SPOCK1: variants seen among roughly 807,000 people sequenced by gnomAD.
SPOCK1 encodes the protein SPARC (osteonectin), cwcv and kazal like domains proteoglycan 1.
SPOCK1 carries 23 observed loss-of-function variants against 55.3 expected under a neutral mutation model. That is an observed-to-expected ratio of 0.42 (90% CI 0.30 to 0.59). The LOEUF is 0.59. Among genes scored for constraint, SPOCK1 ranks in the 20% least tolerant of loss-of-function variants. SPOCK1 has a pLI of 0.22. For missense variants in SPOCK1, 499 were observed against 552.5 expected (o/e 0.90, Z 0.97); for synonymous variants, 226 against 221.0 (o/e 1.02, Z -0.20).
At chr5:137,342,056 A>G (rs72796514) in intron 2 of SPOCK1, among the ~76,000 whole-genome samples, 2,979 of 152,358 alleles carry the variant, frequency 0.02, 47 homozygotes, top group Non-Finnish European at 0.03. Flanking sequence ...ACTCCAGGAA[A>G]TGAGCAAAGC....
At chr5:137,050,435 C>T (rs6892896) in intron 6 of SPOCK1, among the ~76,000 whole-genome samples, 4 of 149,320 alleles carry the variant, frequency 2.7e-5, no homozygotes, top group Non-Finnish European at 4.5e-5. Context: ...TTCTTTGACT[C>T]GGAAAGGGAA....
intron 4 of SPOCK1, among the ~76,000 whole-genome samples, chr5:137,139,228 G>T (rs1210116656): frequency 6.6e-6 from 1 of 152,156 alleles, no homozygotes; most frequent in African/African-American, 2.4e-5. Flanking sequence ...AACCTTGACA[G>T]TGACCTCAGA....
chr5:137,129,522 T>A (rs1753835473), intron 4 of SPOCK1, among the ~76,000 whole-genome samples: 2 of 152,206 alleles, frequency 1.3e-5, no homozygotes, highest in Non-Finnish European at 2.9e-5. Context: ...GTCAGGGGCC[T>A]AAGGAATGGG....
At chr5:137,267,387 T>C (rs552942366) in intron 2 of SPOCK1, among the ~76,000 whole-genome samples, 2 of 152,360 alleles carry the variant, frequency 1.3e-5, no homozygotes, top group South Asian at 2.1e-4. Flanking sequence ...CTGTAGGTGA[T>C]GCCTTGCTGC....
intron 3 of SPOCK1, among the ~76,000 whole-genome samples, chr5:137,168,713 C>T (rs187956930): frequency 8.4e-4 from 127 of 151,920 alleles, no homozygotes; most frequent in Middle Eastern, 6.8e-3. Context: ...TAAATGCTGG[C>T]GAGGATGTGA....
At chr5:137,196,259 C>A (rs1313636015) in intron 3 of SPOCK1, among the ~76,000 whole-genome samples, 1 of 152,196 alleles carries the variant, frequency 6.6e-6, no homozygotes, top group Non-Finnish European at 1.5e-5. Flanking sequence ...ACTCCAAACC[C>A]CAGCTCTCCC....
chr5:137,377,562 G>A (rs1174366475), intron 2 of SPOCK1, among the ~76,000 whole-genome samples: 2 of 152,192 alleles, frequency 1.3e-5, no homozygotes, highest in African/African-American at 4.8e-5. Flanking sequence ...AAGTATCAAG[G>A]AACAATTTGT....
intron 2 of SPOCK1, among the ~76,000 whole-genome samples, chr5:137,412,414 G>A (rs1384888246): frequency 1.3e-5 from 2 of 152,194 alleles, no homozygotes; most frequent in African/African-American, 4.8e-5. Flanking sequence ...CAATTCATGG[G>A]AGATGGCTAA....
At chr5:137,084,613 T>C (rs1272892964) in intron 5 of SPOCK1, among the ~76,000 whole-genome samples, 3 of 151,568 alleles carry the variant, frequency 2.0e-5, no homozygotes, top group African/African-American at 4.9e-5. Context: ...TCACCAAAAG[T>C]CCTAAGGCAC....
chr5:137,049,000 C>T (rs199787970), intron 6 of SPOCK1, among the ~76,000 whole-genome samples: 16 of 126,618 alleles, frequency 1.3e-4, no homozygotes, highest in South Asian at 2.9e-4. Flanking sequence ...GGGTTTCTGC[C>T]GAGAGATCCG....
intron 6 of SPOCK1, among the ~76,000 whole-genome samples, chr5:137,057,016 A>G (rs1305869396): frequency 2.6e-5 from 4 of 152,128 alleles, no homozygotes; most frequent in Admixed American, 2.6e-4. Flanking sequence ...GGCTTCCCAC[A>G]TTATGCAGAC....
At chr5:137,492,429 G>A (rs1012395165) in intron 2 of SPOCK1, among the ~76,000 whole-genome samples, 8 of 152,160 alleles carry the variant, frequency 5.3e-5, no homozygotes, top group African/African-American at 1.9e-4. Context: ...GACAGAATGA[G>A]ACACACACAA....
At chr5:137,180,655 C>T (rs1485472755) in intron 3 of SPOCK1, among the ~76,000 whole-genome samples, 6 of 152,120 alleles carry the variant, frequency 3.9e-5, no homozygotes, top group Admixed American at 3.9e-4. Flanking sequence ...TCAGCTATGG[C>T]CAAGAACCCC....
chr5:137,327,092 G>C (rs1305890431), intron 2 of SPOCK1, among the ~76,000 whole-genome samples: 1 of 152,208 alleles, frequency 6.6e-6, no homozygotes, highest in Admixed American at 6.5e-5. Context: ...GATGTGGATA[G>C]GGAGAGAGTA....
intron 2 of SPOCK1, among the ~76,000 whole-genome samples, chr5:137,413,719 A>G (rs1752263818): frequency 6.6e-6 from 1 of 152,056 alleles, no homozygotes; most frequent in South Asian, 2.1e-4. Context: ...TGATGTCACA[A>G]CTCTATTTGG....
At chr5:137,417,428 T>C (rs1053345567) in intron 2 of SPOCK1, among the ~76,000 whole-genome samples, 1 of 151,928 alleles carries the variant, frequency 6.6e-6, no homozygotes, top group Non-Finnish European at 1.5e-5. Context: ...AAGATGACTT[T>C]TGACATTCAC....
chr5:137,439,284 C>A (rs1372285688), intron 2 of SPOCK1, among the ~76,000 whole-genome samples: 1 of 152,170 alleles, frequency 6.6e-6, no homozygotes, highest in Non-Finnish European at 1.5e-5. Context: ...CTAACTAGTT[C>A]TATAAGGACA....
At position 137,214,199 on chromosome 5, in the gene SPOCK1, T is replaced by C. The variant is rs150267459; in HGVS notation, c.232+52811A>G. 1.0e-3 allele frequency among the ~76,000 whole-genome samples: 159 copies of C among 152,192 alleles called. 4 individuals are homozygous for C. The Middle Eastern group carries it at 0.014, about 13-fold the overall frequency. On this transcript the variant is annotated intron_variant, in intron 3 of 10. Transcript: ENST00000394945. ...TATCTCAACTTATCTCCCCAACCTA[T>C]AAAAAAGAGATTATTTTTATTTCTA...
intron 3 of SPOCK1, among the ~76,000 whole-genome samples, chr5:137,166,350 G>A (rs1754647539): frequency 6.6e-6 from 1 of 151,376 alleles, no homozygotes; most frequent in African/African-American, 2.4e-5. Context: ...ATGAAATAAA[G>A]ACATTCCCAG....
Sources: allele counts gnomAD v4.1 joint callset (sites outside exome capture counted in the v4.1 genomes callset), GRCh38; gene constraint gnomAD v4.1.1; transcripts MANE v1.5; gene names NCBI Gene and HGNC (gene_info 2026-07-23, HGNC 2026-07-21).